Variants in SLC9A5 observed in about 807,000 individuals in gnomAD.
The protein encoded by SLC9A5 is solute carrier family 9 member A5.
SLC9A5 carries 52 observed loss-of-function variants against 91.7 expected under a neutral mutation model. The ratio of observed to expected loss-of-function variants is 0.57; its 90% confidence interval spans 0.45 to 0.71. The LOEUF is 0.71. SLC9A5 is among the 30% of genes least tolerant of loss of function. The probability of loss-of-function intolerance (pLI) is 0.00; values close to 1 mark genes in which losing one functional copy is unlikely to be tolerated. For synonymous variants in SLC9A5, 419 were observed against 474.5 expected (o/e 0.88, Z 1.52); for missense variants, 871 against 1,158.9 (o/e 0.75, Z 3.61).
intron 14 of SLC9A5, 68 bp downstream of exon 14, chr16:67,265,174 G>A: frequency 6.8e-7 from 1 of 1,473,442 alleles, no homozygotes; most frequent in Non-Finnish European, 9.5e-7. Flanking sequence ...TTGCCAGCCA[G>A]AATCCTGGAG....
rs761595074 is a variant in SLC9A5 at position 67,256,508 on chromosome 16, G to A, written c.951G>A (p.Glu317=). Residue 317 remains glutamate (E), a synonymous_variant, in exon 6 of 16, where the codon GAG becomes GAA. Coordinates refer to ENST00000299798, the MANE Select transcript of SLC9A5 (RefSeq NM_004594.3). The surrounding 1 kb of genome is among the most constrained non-coding windows in gnomAD (Gnocchi z 4.1). ...GCCTGGGCTGTAAGAAGTACGTGGA[G>A]GCCAACATCTCCCATAAGTCACGCA... ...MCGLGCKKYV[E]ANISHKSRTT... 2.7e-5 allele frequency: 43 copies of A among 1,613,084 alleles called. No homozygotes were observed. The Admixed American group carries it at 7.0e-4, about 26-fold the overall frequency.
chr16:67,253,353 TC>T (rs2035199865), intron 2 of SLC9A5, among the ~76,000 whole-genome samples: 1 of 152,182 alleles, frequency 6.6e-6, no homozygotes, highest in Non-Finnish European at 1.5e-5. Flanking sequence ...ATATTATAAA[TC>T]CATCAAATGC....
In SLC9A5 at chr16:67,252,235, G is replaced by T. The variant is rs182308982; in HGVS notation, c.188-307G>T. 1.3e-5 allele frequency among the ~76,000 whole-genome samples: 2 copies of T among 152,152 alleles called. No homozygotes were observed. The highest frequency in any genetic ancestry group is 4.8e-5 in the African/African-American group (2 of 41,424). On this transcript the variant is annotated intron_variant, in intron 1 of 15. Coordinates refer to ENST00000299798, the MANE Select transcript of SLC9A5 (RefSeq NM_004594.3). The surrounding 1 kb of genome is among the most constrained non-coding windows in gnomAD (Gnocchi z 4.0). ...GAGGCCAAGGTGGGCGGATCATGAG[G>T]TCAGGAGTTCAAGACCAGCCTGGCC...
At position 67,270,717 on chromosome 16, in the gene SLC9A5, A is replaced by G. The variant is rs1251402940; in HGVS notation, c.2219-21A>G. ...TTTCCACTGTATTGGTAATGAGTTC[A>G]TGTGTACTCTCTGTCCCCAGGAAGC... On this transcript the variant is annotated intron_variant, in intron 15 of 15. Coordinates refer to ENST00000299798, the MANE Select transcript of SLC9A5 (RefSeq NM_004594.3). This position sits in a 1 kb window ranked among gnomAD's most constrained non-coding sequence, Gnocchi z 4.3. The G allele has an allele frequency of 2.0e-6, 3 of 1,511,524 alleles. No individual in the cohort carries two copies. The highest frequency in any genetic ancestry group is 3.8e-5 in the Admixed American group (2 of 52,854). The allele number at this position is 1,511,524 out of a possible 1,614,324, so 93.6% of individuals were successfully genotyped here.
chr16:67,268,710 A>ATATTTTTT (rs1555500934), intron 15 of SLC9A5, among the ~76,000 whole-genome samples: 2 of 89,756 alleles, frequency 2.2e-5, no homozygotes, highest in South Asian at 7.6e-4. Context: ...ATATATATAT[A>ATATTTTTT]TTTTTACAGT....
chr16:67,271,203 G>A lies in SLC9A5; in HGVS notation c.2684G>A (p.Arg895Gln), dbSNP rs1031095194. 16 of 1,611,100 alleles carry A rather than the reference G, an allele frequency of 9.9e-6. No homozygotes were observed. The highest frequency in any genetic ancestry group is 1.7e-5 in the Admixed American group (1 of 59,938). The change falls in exon 16 of 16, where the codon CGG becomes CAG. Residue 895 changes from arginine to glutamine, a missense_variant. Arg to Gln is a conservative substitution (Grantham distance 43). Coordinates refer to ENST00000299798, the MANE Select transcript of SLC9A5 (RefSeq NM_004594.3). ...HWCIQFNRGS[R>Q]L is the part of the protein sequence containing the mutation. ...TGCATCCAGTTCAACAGAGGCAGCC[G>A]GCTGTAGCTCAAGGCCTCGGGGAGG...
At position 67,264,674 on chromosome 16, in the gene SLC9A5, A is replaced by G; in HGVS notation, c.2013+152A>G. On this transcript the variant is annotated intron_variant, in intron 13 of 15. Coordinates refer to ENST00000299798, the MANE Select transcript of SLC9A5 (RefSeq NM_004594.3). ...TACAGCAGTTTGGGTTCCCTTTTAGATGTTCCTGGAGTCCCAGAAGGGTAA... is the reference window on the plus strand; with the variant it reads ...TACAGCAGTTTGGGTTCCCTTTTAGGTGTTCCTGGAGTCCCAGAAGGGTAA... 4 of 748,600 alleles carry G rather than the reference A, an allele frequency of 5.3e-6. No homozygotes were observed. In the Admixed American group the frequency reaches 8.1e-5, roughly 15 times the overall value. The allele number at this position is 748,600 out of a possible 1,614,324, so 46.4% of individuals were successfully genotyped here.
chr16:67,268,176 C>A lies in SLC9A5; in HGVS notation c.2218+1951C>A, dbSNP rs550594524. Among the ~76,000 whole-genome samples the A allele has an allele frequency of 2.3e-4, 30 of 128,980 alleles. 2 individuals carry two copies. Among genetic ancestry groups the A allele is most frequent in the Middle Eastern group, 8.5e-3 (2 of 234 alleles). 84.6% of individuals were successfully genotyped at this position (128,980 alleles called of 152,430 possible). ...ACAGGCACACACCATCATGCCCAGCCTTTTTTTTTTTTTTTTTTCTGGTAG... is the reference window on the plus strand; with the variant it reads ...ACAGGCACACACCATCATGCCCAGCATTTTTTTTTTTTTTTTTTCTGGTAG... On this transcript the variant is annotated intron_variant, in intron 15 of 15. Transcript: ENST00000299798.
rs1339685605 is a variant in SLC9A5, at chr16:67,268,674, ATATATATATATATAT to A, written c.2219-2063_2219-2049del. 1.7e-4 allele frequency among the ~76,000 whole-genome samples: 10 copies of A among 58,636 alleles called. 1 individual carries two copies. The highest frequency in any genetic ancestry group is 6.4e-4 in the South Asian group (1 of 1,564). The allele number at this position is 58,636 out of a possible 152,430, so 38.5% of individuals were successfully genotyped here. A position where few individuals can be genotyped will look rare whatever the true frequency, so the allele number is the denominator to read the frequency against. ...TTTCCCTGATTATATATATATATAT[ATATATATATATATAT>A]ATATATATATATATATATATATTTT... is the stretch of plus-strand genomic sequence containing the variant. On this transcript the variant is annotated intron_variant, in intron 15 of 15. Coordinates refer to ENST00000299798, the MANE Select transcript of SLC9A5 (RefSeq NM_004594.3).
In SLC9A5 at chr16:67,265,034, C is replaced by T. The variant is rs776675180; in HGVS notation, c.2014-6C>T. On this transcript the variant is annotated splice_region_variant and splice_polypyrimidine_tract_variant and intron_variant, in intron 13 of 15. Coordinates refer to ENST00000299798, the MANE Select transcript of SLC9A5 (RefSeq NM_004594.3). ...AGAGGCTCAGGTTTTCTTTCTTGGT[C>T]CTCAGAAGGATGGTGTGGCGAATGC... 3.1e-6 allele frequency: 5 copies of T among 1,614,076 alleles called. No homozygotes were observed. The Admixed American group carries it at 8.3e-5, about 27-fold the overall frequency.
chr16:67,257,354 A>G lies in SLC9A5; in HGVS notation c.1345A>G (p.Ile449Val). 2 of 1,613,726 alleles carry G rather than the reference A, an allele frequency of 1.2e-6. No individual in the cohort carries two copies. Among genetic ancestry groups the G allele is most frequent in the South Asian group, 1.1e-5 (1 of 91,076 alleles). ...TCCTGCCTGTCCATAGGGCTTGACC[A>G]TCAAGCCACTGGTCAAATGGCTGAA... ...FFTVIVQGLTIKPLVKWLKVK... is the reference protein window; with the variant it reads ...FFTVIVQGLTVKPLVKWLKVK... Residue 449 changes from isoleucine to valine, a missense_variant, in exon 8 of 16, where the codon ATC becomes GTC. Coordinates refer to ENST00000299798, the MANE Select transcript of SLC9A5 (RefSeq NM_004594.3). This position sits in a 1 kb window ranked among gnomAD's most constrained non-coding sequence, Gnocchi z 5.1.
In SLC9A5 at chr16:67,259,361, C is replaced by CAAAAAAA. The variant is rs764650700; in HGVS notation, c.1627-194_1627-188dup. Among the ~76,000 whole-genome samples the CAAAAAAA allele has an allele frequency of 7.4e-3, 323 of 43,380 alleles. 4 individuals carry two copies. The highest frequency in any genetic ancestry group is 0.029 in the Middle Eastern group (2 of 70). The allele number at this position is 43,380 out of a possible 152,430, so 28.5% of individuals were successfully genotyped here. On this transcript the variant is annotated intron_variant, in intron 10 of 15. Coordinates refer to ENST00000299798, the MANE Select transcript of SLC9A5 (RefSeq NM_004594.3). The stretch of plus-strand genomic sequence containing the variant: ...CTTGGGTGATAGAGTGACTCTGTCT[C>CAAAAAAA]AAAAAAAAAAAAAAAAAAAAAAAAT...
chr16:67,256,811 C>A lies in SLC9A5; in HGVS notation c.1133-100C>A. 7.2e-7 allele frequency: 1 copy of A among 1,386,052 alleles called. No individual in the cohort carries two copies. The highest frequency in any genetic ancestry group is 1.0e-6 in the Non-Finnish European group (1 of 984,720). 85.9% of individuals were successfully genotyped at this position (1,386,052 alleles called of 1,614,324 possible). Reference sequence around the variant, plus strand: ...AAGCCTCCTCTTGTTGCTCACCTGTCCCAGCCCCTGTTAGACCTCAGCCCA... The same window carrying A: ...AAGCCTCCTCTTGTTGCTCACCTGTACCAGCCCCTGTTAGACCTCAGCCCA... On this transcript the variant is annotated intron_variant, in intron 6 of 15. Coordinates refer to ENST00000299798, the MANE Select transcript of SLC9A5 (RefSeq NM_004594.3). The surrounding 1 kb of genome is among the most constrained non-coding windows in gnomAD (Gnocchi z 4.1).
In SLC9A5 at chr16:67,268,657, ATTATATATATAT is replaced by A. The variant is rs1264274187; in HGVS notation, c.2219-2080_2219-2069del. ...ATCAAACATCGTTCAAATTTCCCTG[ATTATATATATAT>A]ATATATATATATATATATATATATA... On this transcript the variant is annotated intron_variant, in intron 15 of 15. Coordinates refer to ENST00000299798, the MANE Select transcript of SLC9A5 (RefSeq NM_004594.3). 1.5e-4 allele frequency among the ~76,000 whole-genome samples: 7 copies of A among 47,756 alleles called. 1 individual carries two copies. The Admixed American group carries it at 2.1e-3, about 14-fold the overall frequency. The allele number at this position is 47,756 out of a possible 152,430, so 31.3% of individuals were successfully genotyped here.
chr16:67,259,312 C>T (rs1052619435), intron 10 of SLC9A5, among the ~76,000 whole-genome samples: 1 of 137,668 alleles, frequency 7.3e-6, no homozygotes, highest in Non-Finnish European at 1.5e-5. Flanking sequence ...TGCAATGAGC[C>T]GAGATCGTGT....
intron 2 of SLC9A5, 25 bp from the exon 3 acceptor site, chr16:67,254,996 C>G (rs2035256971): frequency 1.3e-6 from 2 of 1,598,778 alleles, no homozygotes; most frequent in Non-Finnish European, 1.7e-6. Context: ...AATGACTGGC[C>G]TGTCCTACAC....
chr16:67,259,008 C>G (rs899352959), intron 10 of SLC9A5, among the ~76,000 whole-genome samples: 2 of 151,656 alleles, frequency 1.3e-5, no homozygotes, highest in African/African-American at 2.4e-5. Context: ...CACCTGTAAT[C>G]CCAGCACTTT....
Position 67,270,228 on chromosome 16 carries a change from C to A in SLC9A5, c.2219-510C>A, listed in dbSNP as rs1269596628. Among the ~76,000 whole-genome samples, 3 of 152,148 alleles carry A rather than the reference C, an allele frequency of 2.0e-5. No homozygotes were observed. Among genetic ancestry groups the A allele is most frequent in the Non-Finnish European group, 4.4e-5 (3 of 68,038 alleles). The stretch of plus-strand genomic sequence containing the variant: ...TTATATAGAGTCTCACTCTTTCACC[C>A]AGGCTGGAGTGCAGTGGCGAGATCT... On this transcript the variant is annotated intron_variant, in intron 15 of 15. Coordinates refer to ENST00000299798, the MANE Select transcript of SLC9A5 (RefSeq NM_004594.3). The surrounding 1 kb of genome is among the most constrained non-coding windows in gnomAD (Gnocchi z 4.3).
rs769258823 is a variant in SLC9A5, at chr16:67,271,141, C to T, written c.2622C>T (p.His874=). The part of the protein sequence containing the change: ...ELQPLMGHKD[H]THLSPGTATS... ...AGCCCCTCATGGGCCACAAGGACCA[C>T]ACCCATCTCAGCCCAGGCACCGCTA... The change falls in exon 16 of 16, where the codon CAC becomes CAT. Residue 874 remains histidine (H), a synonymous_variant. Transcript: ENST00000299798. The T allele has an allele frequency of 1.9e-6, 3 of 1,613,572 alleles. No homozygotes were observed. Among genetic ancestry groups the T allele is most frequent in the South Asian group, 2.2e-5 (2 of 91,080 alleles).
Sources: gnomAD v4.1 joint callset for allele counts (sites outside exome capture counted in the v4.1 genomes callset) on GRCh38, gnomAD v4.1.1 for gene constraint, Gnocchi (gnomAD v3.1) non-coding constraint, MANE v1.5 for transcripts, NCBI Gene and HGNC (gene_info 2026-07-23, HGNC 2026-07-21) for gene names.